Variants in PC observed in about 807,000 individuals in gnomAD.
PC encodes pyruvate carboxylase.
PC carries 46 observed loss-of-function variants against 107.8 expected under a neutral mutation model. The ratio of observed to expected loss-of-function variants is 0.43; its 90% CI spans 0.34 to 0.55. The LOEUF is 0.55. Among genes scored for constraint, PC ranks in the 20% least tolerant of loss-of-function variants. The pLI, the probability that PC is intolerant of heterozygous loss-of-function variation, is 0.04. For missense variants in PC, 1,241 were observed against 1,643.1 expected, an observed-to-expected ratio of 0.76 and a Z score of 4.23; for synonymous variants, 662 against 684.7, an observed-to-expected ratio of 0.97 and a Z score of 0.52.
chr11:66,903,882 C>T (rs1342333973), intron 3 of PC, among the ~76,000 whole-genome samples: 1 of 141,224 alleles, frequency 7.1e-6, no homozygotes, highest in African/African-American at 2.7e-5. Flanking sequence ...GGCTGGAGTA[C>T]AACGGCACGA....
In PC at chr11:66,858,955, A is replaced by G; in HGVS notation, c.1368+4819T>C. 1.3e-6 allele frequency: 2 copies of G among 1,576,740 alleles called. No individual in the cohort carries two copies. The highest frequency in any genetic ancestry group is 8.6e-7 in the Non-Finnish European group (1 of 1,158,006). On this transcript the variant is annotated intron_variant, in intron 12 of 22. Transcript: ENST00000393960. This position sits in a 1 kb window ranked among gnomAD's most constrained non-coding sequence, Gnocchi z 5.9. ...GCTGCCGAGGGTGAGGGGACGCTGG[A>G]GTCTGAGCCAGCCGTGCAGGTGACG...
intron 3 of PC, among the ~76,000 whole-genome samples, chr11:66,904,006 A>G (rs1447998833): frequency 6.6e-6 from 1 of 151,370 alleles, no homozygotes; most frequent in Non-Finnish European, 1.5e-5. Context: ...GACTATAATT[A>G]TATTTAACAA....
At chr11:66,944,530 G>C (rs1949240694) in intron 3 of PC, among the ~76,000 whole-genome samples, 1 of 115,316 alleles carries the variant, frequency 8.7e-6, no homozygotes, top group Non-Finnish European at 1.9e-5. Context: ...AGTGAGCCGA[G>C]ATTGCACCAC....
At chr11:66,880,331 T>C (rs1015731362) in intron 3 of PC, among the ~76,000 whole-genome samples, 3 of 152,102 alleles carry the variant, frequency 2.0e-5, no homozygotes, top group African/African-American at 4.8e-5. Flanking sequence ...GGGTCTGGGA[T>C]GGTTCAAAGG....
At chr11:66,889,898 A>AATCATTT (rs56227673) in intron 3 of PC, among the ~76,000 whole-genome samples, 36,309 of 151,724 alleles carry the variant, frequency 0.24, 4,377 homozygotes, top group Middle Eastern at 0.33. Context: ...TTTTTTCATA[A>AATCATTT]ATGATATAAT....
At chr11:66,880,203 G>A (rs771252262) in intron 3 of PC, among the ~76,000 whole-genome samples, 53 of 152,182 alleles carry the variant, frequency 3.5e-4, no homozygotes, top group Non-Finnish European at 6.0e-4. Flanking sequence ...AATCAACATC[G>A]GCTGGGAGAA....
intron 3 of PC, among the ~76,000 whole-genome samples, chr11:66,922,697 C>T (rs181960380): frequency 6.6e-6 from 1 of 152,140 alleles, no homozygotes; most frequent in Non-Finnish European, 1.5e-5. Context: ...TGGCCCAGAT[C>T]CCCACATGGC....
At chr11:66,908,695 C>T (rs934346324) in intron 3 of PC, among the ~76,000 whole-genome samples, 5 of 152,136 alleles carry the variant, frequency 3.3e-5, no homozygotes, top group African/African-American at 9.7e-5. Context: ...TTGCATGGTT[C>T]GGCGCGCTCA....
chr11:66,946,885 C>G (rs547084897), intron 3 of PC, among the ~76,000 whole-genome samples: 1 of 152,266 alleles, frequency 6.6e-6, no homozygotes, highest in South Asian at 2.1e-4. Flanking sequence ...ATGACAAACA[C>G]ATGACAAGAT....
At chr11:66,956,297 G>C (rs1432544542) in intron 1 of PC, among the ~76,000 whole-genome samples, 2 of 151,836 alleles carry the variant, frequency 1.3e-5, no homozygotes, top group East Asian at 3.9e-4. Context: ...TGAAACCTCT[G>C]TAACTGGCCA....
rs964865455 is a variant in PC, at chr11:66,871,491, G to A, written c.322-11C>T. On this transcript the variant is annotated splice_polypyrimidine_tract_variant and intron_variant, in intron 5 of 22. Coordinates refer to ENST00000393960, the MANE Select transcript of PC (RefSeq NM_001040716.2). This position sits in a 1 kb window ranked among gnomAD's most constrained non-coding sequence, Gnocchi z 7.4. The stretch of plus-strand genomic sequence containing the variant: ...ATCTACGTTGTTCTCCTGCAGGTGG[G>A]GGTCAGGGAGAGGACGGTACCTTGC... 1 of 1,613,094 alleles carries A rather than the reference G, an allele frequency of 6.2e-7. No individual in the cohort carries two copies. Among genetic ancestry groups the A allele is most frequent in the Non-Finnish European group, 8.5e-7 (1 of 1,179,990 alleles).
intron 3 of PC, among the ~76,000 whole-genome samples, chr11:66,887,921 C>G (rs555970152): frequency 1.8e-4 from 27 of 152,356 alleles, no homozygotes; most frequent in African/African-American, 6.5e-4. Flanking sequence ...GAATCCCTCC[C>G]GAGTCTTTTC....
At position 66,866,219 on chromosome 11, in the gene PC, G is replaced by C; in HGVS notation, c.1153C>G (p.Arg385Gly). 6.2e-7 allele frequency: 1 copy of C among 1,611,388 alleles called. No homozygotes were observed. The highest frequency in any genetic ancestry group is 1.3e-5 in the African/African-American group (1 of 75,018). ...QCRVTTEDPA[R>G]SFQPDTGRIE... ...CGGCCGGTGTCCGGCTGGAAGCTGC[G>C]CGCGGGGTCCTCGGTGGTGACCCGG... The change falls in exon 11 of 23, where the codon CGC (arginine) becomes GGC (glycine). Residue 385 changes from arginine to glycine, a missense_variant. Arg to Gly is a moderately radical substitution (Grantham distance 125). Around this residue, in one of 2 missense-constraint regions of PC, gnomAD observed 1,143 missense variants for 1,551.9 expected, o/e 0.74. Coordinates refer to ENST00000393960, the MANE Select transcript of PC (RefSeq NM_001040716.2). The surrounding 1 kb of genome is among the most constrained non-coding windows in gnomAD (Gnocchi z 5.4).
At chr11:66,869,093 GC>G (rs757450781) in intron 9 of PC, 129 bp from the exon 10 acceptor site, 11 of 708,538 alleles carry the variant, frequency 1.6e-5, no homozygotes, top group Non-Finnish European at 2.5e-5. Context: ...GGCAAACCCT[GC>G]CCCCACAGAT....
chr11:66,942,626 G>C (rs1213215078), intron 3 of PC, among the ~76,000 whole-genome samples: 1 of 152,042 alleles, frequency 6.6e-6, no homozygotes, highest in East Asian at 1.9e-4. Context: ...CAGAGCTTCA[G>C]TTTTACAAGA....
At chr11:66,860,438 T>G in intron 12 of PC, 1 of 705,722 alleles carries the variant, frequency 1.4e-6, no homozygotes, top group Non-Finnish European at 2.6e-6. Context: ...ACTGGGAGTC[T>G]TGTTTTTATT....
intron 3 of PC, among the ~76,000 whole-genome samples, chr11:66,916,822 C>A (rs1315794228): frequency 6.6e-6 from 1 of 151,924 alleles, no homozygotes; most frequent in Non-Finnish European, 1.5e-5. Flanking sequence ...GGCGTGGTGG[C>A]AGGCACCTAT....
chr11:66,907,078 G>C (rs1591265754), intron 3 of PC, among the ~76,000 whole-genome samples: 1 of 152,214 alleles, frequency 6.6e-6, no homozygotes, highest in Admixed American at 6.5e-5. Flanking sequence ...GGCTGGTGCT[G>C]AACTATGAGC....
chr11:66,936,946 G>A (rs1591303971), intron 3 of PC, among the ~76,000 whole-genome samples: 1 of 152,036 alleles, frequency 6.6e-6, no homozygotes, highest in Admixed American at 6.6e-5. Context: ...TTCAAGCAAC[G>A]ATTCTCGTGC....
Sources: gnomAD v4.1 joint callset for allele counts (sites outside exome capture counted in the v4.1 genomes callset) on GRCh38, gnomAD v4.1.1 for gene constraint, gnomAD v4.1.1 regional missense constraint, Gnocchi (gnomAD v3.1) non-coding constraint, MANE v1.5 for transcripts, NCBI Gene and HGNC (gene_info 2026-07-23, HGNC 2026-07-21) for gene names.